Variants in SYNE1 observed in about 807,000 individuals in gnomAD.
SYNE1 encodes spectrin repeat containing nuclear envelope protein 1.
Under a neutral mutation model 1,111.0 loss-of-function variants are expected in SYNE1, and 616 were observed. The ratio of observed to expected loss-of-function variants is 0.55; its 90% CI spans 0.52 to 0.59. The LOEUF is 0.59. Among genes scored for constraint, SYNE1 ranks in the 20% least tolerant of loss-of-function variants. The probability of loss-of-function intolerance (pLI) is 0.00; values close to 1 mark genes in which losing one functional copy is unlikely to be tolerated. For missense variants in SYNE1, 10,006 were observed against 10,417.0 expected (o/e 0.96, Z 1.72); for synonymous variants, 3,855 against 3,825.8 (o/e 1.01, Z -0.28).
At chr6:152,495,321 C>T (rs926547608) in intron 11 of SYNE1, among the ~76,000 whole-genome samples, 3 of 152,154 alleles carry the variant, frequency 2.0e-5, no homozygotes, top group East Asian at 1.9e-4. Flanking sequence ...AGAAGGCCAC[C>T]GCGGTCATCT....
chr6:152,431,053 T>G (rs1363046952), intron 34 of SYNE1, among the ~76,000 whole-genome samples: 1 of 152,180 alleles, frequency 6.6e-6, no homozygotes, highest in African/African-American at 2.4e-5. Flanking sequence ...GCGTTTTAAT[T>G]AACTGAGCTG....
intron 64 of SYNE1, among the ~76,000 whole-genome samples, chr6:152,359,961 A>G (rs2096904000): frequency 6.6e-6 from 1 of 152,060 alleles, no homozygotes; most frequent in Non-Finnish European, 1.5e-5. Context: ...ATACTGCGAC[A>G]TCTGTCCCCA....
chr6:152,409,721 A>G lies in SYNE1; in HGVS notation c.6231-12T>C, dbSNP rs370687503. The stretch of plus-strand genomic sequence containing the variant: ...AGCACTGACCCTGACTGTAATGATT[A>G]AAGAAAATATATTATTTGGTGTCAT... On this transcript the variant is annotated splice_polypyrimidine_tract_variant and intron_variant, in intron 42 of 145. Transcript: ENST00000367255. 84 of 1,612,944 alleles carry G rather than the reference A, an allele frequency of 5.2e-5. No individual in the cohort carries two copies. Among genetic ancestry groups the G allele is most frequent in the Non-Finnish European group, 7.0e-5 (83 of 1,179,846 alleles).
chr6:152,464,214 C>G (rs1033161193), intron 18 of SYNE1, among the ~76,000 whole-genome samples: 2 of 152,298 alleles, frequency 1.3e-5, no homozygotes, highest in African/African-American at 4.8e-5. Flanking sequence ...GTTTCCAACT[C>G]ATTTTAAATA....
chr6:152,295,316 G>A (rs73783823), intron 93 of SYNE1, among the ~76,000 whole-genome samples: 2,976 of 152,154 alleles, frequency 0.02, 93 homozygotes, highest in African/African-American at 0.069. Context: ...GATGATATTG[G>A]AACATGGAGA....
chr6:152,499,622 G>C (rs1041287381), intron 10 of SYNE1, among the ~76,000 whole-genome samples: 1 of 152,002 alleles, frequency 6.6e-6, no homozygotes, highest in Admixed American at 6.6e-5. Flanking sequence ...AATATTAAAG[G>C]TTCACTAGAC....
At chr6:152,347,723 C>T (rs865779004) in intron 72 of SYNE1, among the ~76,000 whole-genome samples, 2 of 150,608 alleles carry the variant, frequency 1.3e-5, no homozygotes, top group Non-Finnish European at 3.0e-5. Context: ...CTCTGCTGCC[C>T]AGGCTGGAGT....
At position 152,535,292 on chromosome 6, in the gene SYNE1, G is replaced by A. The variant is rs189070957; in HGVS notation, c.129+4668C>T. Among the ~76,000 whole-genome samples the A allele has an allele frequency of 5.3e-5, 8 of 152,210 alleles. No individual in the cohort carries two copies. In the East Asian group the frequency reaches 5.8e-4, roughly 11 times the overall value. ...CACCCAGTATGTGGTACTTTGTTAC[G>A]GCAATCCCAGCAATTAATAGGGAAC... On this transcript the variant is annotated intron_variant, in intron 4 of 145. Coordinates refer to ENST00000367255, the MANE Select transcript of SYNE1 (RefSeq NM_182961.4).
chr6:152,465,275 A>T lies in SYNE1; in HGVS notation c.1915T>A (p.Ser639Thr). Residue 639 changes from serine (S) to threonine (T), a missense_variant, in exon 18 of 146, where the codon TCA (serine) becomes ACA (threonine). By Grantham distance (58) the Ser-to-Thr change is moderately conservative (BLOSUM62 1). Coordinates refer to ENST00000367255, the MANE Select transcript of SYNE1 (RefSeq NM_182961.4). ...LEDAEKMLNQSENAKKDFFRN... is the reference protein window; with the variant it reads ...LEDAEKMLNQTENAKKDFFRN... ...AATCTTACCTTTTTGGCATTTTCTG[A>T]TTGATTGAGCATTTTTTCAGCATCC... 6.2e-7 allele frequency: 1 copy of T among 1,613,534 alleles called. No homozygotes were observed. The highest frequency in any genetic ancestry group is 8.5e-7 in the Non-Finnish European group (1 of 1,179,696).
At position 152,148,180 on chromosome 6, in the gene SYNE1, T is replaced by C; in HGVS notation, c.24841A>G (p.Ile8281Val). 2.5e-6 allele frequency: 4 copies of C among 1,614,160 alleles called. No individual in the cohort carries two copies. Among genetic ancestry groups the C allele is most frequent in the Non-Finnish European group, 3.4e-6 (4 of 1,180,018 alleles). ...GRDTPASVDS[I>V]PLEWDHDYDL... is the part of the protein sequence containing the mutation. Reference sequence around the variant, plus strand: ...TAGTCGTGATCCCACTCCAGGGGGATGGAGTCCACACTAGCCGGGGTGTCT... The same window carrying C: ...TAGTCGTGATCCCACTCCAGGGGGACGGAGTCCACACTAGCCGGGGTGTCT... The change falls in exon 137 of 146, where the codon ATC becomes GTC. Residue 8281 changes from isoleucine to valine, a missense_variant. Physicochemically the swap from Ile to Val is conservative, Grantham distance 29. Around this residue, in one of 7 missense-constraint regions of SYNE1, gnomAD observed 761 missense variants for 795.5 expected, o/e 0.96. Coordinates refer to ENST00000367255, the MANE Select transcript of SYNE1 (RefSeq NM_182961.4). The surrounding 1 kb of genome is among the most constrained non-coding windows in gnomAD (Gnocchi z 4.1).
chr6:152,430,117 G>A lies in SYNE1; in HGVS notation c.4783C>T (p.His1595Tyr), dbSNP rs1361088916. Reference sequence around the variant, plus strand: ...ATGTTGAAGCATACTCTTACCATATGTTCTTGAAGAACTTTGTATGTTTCT... The same window carrying A: ...ATGTTGAAGCATACTCTTACCATATATTCTTGAAGAACTTTGTATGTTTCT... ...ATETYKVLQE[H>Y]MDLCQALESL... Residue 1595 changes from histidine to tyrosine, a missense_variant, in exon 36 of 146, where the codon CAT becomes TAT. By Grantham distance (83) the His-to-Tyr change is moderately conservative. This residue lies in a region of SYNE1 where 1,971 missense variants were observed against 2,084.1 expected (regional missense o/e 0.95). Transcript: ENST00000367255. 1 of 1,587,118 alleles carries A rather than the reference G, an allele frequency of 6.3e-7. No homozygotes were observed. The highest frequency in any genetic ancestry group is 8.6e-7 in the Non-Finnish European group (1 of 1,159,750).
At chr6:152,139,137 G>A (rs13202108) in intron 140 of SYNE1, among the ~76,000 whole-genome samples, 69,305 of 151,644 alleles carry the variant, frequency 0.46, 16,211 homozygotes, top group African/African-American at 0.56. Context: ...CTTACAAAGA[G>A]TTCTTGTAGG....
chr6:152,429,249 GAC>G (rs1196605177), intron 36 of SYNE1, among the ~76,000 whole-genome samples: 3 of 151,946 alleles, frequency 2.0e-5, no homozygotes, highest in Non-Finnish European at 2.9e-5. Flanking sequence ...AGGAAATCAA[GAC>G]ACAGAAAAAC....
At chr6:152,349,575 G>C (rs1590796404) in intron 72 of SYNE1, among the ~76,000 whole-genome samples, 2 of 152,208 alleles carry the variant, frequency 1.3e-5, no homozygotes, top group African/African-American at 4.8e-5. Context: ...TGGGGGAAAT[G>C]CAGCAATGTG....
intron 14 of SYNE1, among the ~76,000 whole-genome samples, chr6:152,481,819 C>T (rs760738255): frequency 5.1e-4 from 77 of 150,648 alleles, no homozygotes; most frequent in Non-Finnish European, 9.6e-4. Context: ...GGGTCCCTTA[C>T]GGCATAGCTG....
chr6:152,277,952 C>T (rs2093762251), intron 98 of SYNE1, 137 bp downstream of exon 98: 2 of 948,138 alleles, frequency 2.1e-6, no homozygotes, highest in South Asian at 2.6e-5. Context: ...AAGCTGCATG[C>T]TAAAATGTCA....
At chr6:152,335,232 G>T (rs2096357437) in intron 76 of SYNE1, 1 of 152,104 alleles carries the variant, frequency 6.6e-6, no homozygotes, top group Non-Finnish European at 1.5e-5. Flanking sequence ...ATGAAATTTT[G>T]TCCTTAAAGC....
Position 152,365,145 on chromosome 6 carries a change from G to T in SYNE1, c.9973-126C>A. 2.5e-6 allele frequency: 3 copies of T among 1,209,652 alleles called. No individual in the cohort carries two copies. The South Asian group carries it at 4.0e-5, about 16-fold the overall frequency. 74.9% of individuals were successfully genotyped at this position (1,209,652 alleles called of 1,614,324 possible). A position where few individuals can be genotyped will look rare whatever the true frequency, so the allele number is the denominator to read the frequency against. Reference sequence around the variant, plus strand: ...GTGCCCAGCCCTGGAGCTCCCAGTCGGCTGAGACAGAGGGTGGGGAAGTGG... The same window carrying T: ...GTGCCCAGCCCTGGAGCTCCCAGTCTGCTGAGACAGAGGGTGGGGAAGTGG... On this transcript the variant is annotated intron_variant, in intron 62 of 145. Coordinates refer to ENST00000367255, the MANE Select transcript of SYNE1 (RefSeq NM_182961.4).
chr6:152,166,732 C>T (rs936620356), intron 130 of SYNE1, among the ~76,000 whole-genome samples: 3 of 152,224 alleles, frequency 2.0e-5, no homozygotes, highest in Non-Finnish European at 2.9e-5. Context: ...CGGGGGTGAA[C>T]ATTTAAGCAG....
Sources: gnomAD v4.1 joint callset for allele counts (sites outside exome capture counted in the v4.1 genomes callset) on GRCh38, gnomAD v4.1.1 for gene constraint, gnomAD v4.1.1 regional missense constraint, Gnocchi (gnomAD v3.1) non-coding constraint, MANE v1.5 for transcripts, NCBI Gene and HGNC (gene_info 2026-07-23, HGNC 2026-07-21) for gene names.